The following TMIGD3 variants were observed in gnomAD, a reference collection of about 807,000 sequenced individuals.
The protein encoded by TMIGD3 is AD026 protein (AD026).
A neutral mutation model predicts 28.1 loss-of-function variants in TMIGD3; 21 were observed. That is an observed-to-expected ratio of 0.75 (90% CI 0.53 to 1.08). The LOEUF is 1.08. Ranked by LOEUF, TMIGD3 falls within the 50% of genes least tolerant of loss-of-function variation. The probability of loss-of-function intolerance (pLI) is 0.00; values close to 1 mark genes in which losing one functional copy is unlikely to be tolerated. For synonymous variants in TMIGD3, 151 were observed against 162.1 expected, an observed-to-expected ratio of 0.93 and a Z score of 0.52; for missense variants, 416 against 435.6, an observed-to-expected ratio of 0.96 and a Z score of 0.40.
At chr1:111,543,277 A>AAT (rs143470844) in intron 1 of TMIGD3, among the ~76,000 whole-genome samples, 21 of 151,680 alleles carry the variant, frequency 1.4e-4, no homozygotes, top group East Asian at 3.9e-4. Context: ...GTGTTGTATA[A>AAT]ATATATATAT....
intron 1 of TMIGD3, chr1:111,542,468 A>T (rs1387402310): frequency 2.1e-5 from 4 of 191,334 alleles, no homozygotes; most frequent in Non-Finnish European, 4.4e-5. Context: ...GCCGTGTAGG[A>T]GTTGGAGGAG....
chr1:111,495,505 G>A (rs1040770622), intron 1 of TMIGD3, among the ~76,000 whole-genome samples: 1 of 152,140 alleles, frequency 6.6e-6, no homozygotes, highest in African/African-American at 2.4e-5. Flanking sequence ...ACACTTATAC[G>A]CTGTTGGTGG....
intron 1 of TMIGD3, among the ~76,000 whole-genome samples, chr1:111,513,020 G>A (rs992305530): frequency 2.0e-5 from 3 of 152,172 alleles, no homozygotes; most frequent in African/African-American, 7.2e-5. Context: ...CCTGCTGGGT[G>A]GACTTTGCGA....
intron 1 of TMIGD3, among the ~76,000 whole-genome samples, chr1:111,549,274 G>T (rs1657157151): frequency 6.7e-6 from 1 of 149,866 alleles, no homozygotes; most frequent in Admixed American, 6.6e-5. Context: ...TTGAAAATTT[G>T]GCAGAATTTA....
chr1:111,553,517 T>C (rs1295292106), intron 1 of TMIGD3, among the ~76,000 whole-genome samples: 1 of 152,224 alleles, frequency 6.6e-6, no homozygotes, highest in Non-Finnish European at 1.5e-5. Context: ...ATCTCCAGTG[T>C]TTCAGCTTTT....
intron 1 of TMIGD3, among the ~76,000 whole-genome samples, chr1:111,528,480 G>C (rs569526370): frequency 1.3e-5 from 2 of 151,926 alleles, no homozygotes. Context: ...CTTTAATATC[G>C]TGTTGGCTAT....
intron 3 of TMIGD3, among the ~76,000 whole-genome samples, chr1:111,487,138 T>A (rs1654416190): frequency 6.6e-6 from 1 of 152,202 alleles, no homozygotes. Flanking sequence ...CACGACCACC[T>A]ACGATACCCC....
At chr1:111,555,381 A>AT (rs1283371985) in intron 1 of TMIGD3, among the ~76,000 whole-genome samples, 2 of 150,848 alleles carry the variant, frequency 1.3e-5, no homozygotes, top group African/African-American at 4.9e-5. Flanking sequence ...AAAAAAAAAA[A>AT]AAAAAAAAAA....
intron 2 of TMIGD3, chr1:111,489,649 A>G: frequency 8.5e-7 from 1 of 1,179,542 alleles, no homozygotes; most frequent in South Asian, 1.6e-5. Flanking sequence ...GAGGGCCTTG[A>G]AGAGCCTGAG....
intron 1 of TMIGD3, among the ~76,000 whole-genome samples, chr1:111,513,990 G>A (rs1655777520): frequency 6.6e-6 from 1 of 152,196 alleles, no homozygotes. Context: ...AGGGAGGAGG[G>A]CAAAGGGTGA....
chr1:111,484,638 C>T (rs1654274140), intron 5 of TMIGD3, among the ~76,000 whole-genome samples: 1 of 152,194 alleles, frequency 6.6e-6, no homozygotes, highest in Non-Finnish European at 1.5e-5. Flanking sequence ...AACAAAATAT[C>T]CCAGGGAAAG....
chr1:111,548,764 G>A (rs944600994), intron 1 of TMIGD3, among the ~76,000 whole-genome samples: 6 of 152,080 alleles, frequency 3.9e-5, no homozygotes, highest in Admixed American at 6.5e-5. Context: ...TCTTTGGGGC[G>A]TTGTCCCCAT....
chr1:111,489,515 A>C, intron 2 of TMIGD3: 1 of 955,730 alleles, frequency 1.0e-6, no homozygotes, highest in Non-Finnish European at 1.3e-6. Context: ...AGCCTCCCAG[A>C]CTGTGGTTTT....
intron 1 of TMIGD3, among the ~76,000 whole-genome samples, chr1:111,510,572 G>A (rs189129156): frequency 1.1e-3 from 162 of 152,172 alleles, no homozygotes; most frequent in Non-Finnish European, 1.6e-3. Flanking sequence ...GCCGATGTTC[G>A]GTCTCGGTAA....
rs904534962 is a variant in TMIGD3 at position 111,549,615 on chromosome 1, A to G, written c.107+14231T>C. Reference sequence around the variant, plus strand: ...TGGTGAGCCGATATCATGCCACTGCACTCCAGCCTGGGCAACAGAGTGAGA... The same window carrying G: ...TGGTGAGCCGATATCATGCCACTGCGCTCCAGCCTGGGCAACAGAGTGAGA... On this transcript the variant is annotated intron_variant, in intron 1 of 5. Coordinates refer to the TMIGD3 transcript ENST00000369717. Among the ~76,000 whole-genome samples the G allele has an allele frequency of 1.3e-4, 19 of 147,570 alleles. No individual in the cohort carries two copies. The South Asian group carries it at 2.3e-3, about 18-fold the overall frequency.
intron 1 of TMIGD3, among the ~76,000 whole-genome samples, chr1:111,552,356 C>A (rs2101037250): frequency 6.6e-6 from 1 of 152,360 alleles, no homozygotes; most frequent in South Asian, 2.1e-4. Context: ...GTTATAATGT[C>A]ACAAGTCTGT....
At chr1:111,506,444 TAC>T (rs2100989244), upstream of TMIGD3, among the ~76,000 whole-genome samples, 1 of 152,338 alleles carries the variant, frequency 6.6e-6, no homozygotes, top group South Asian at 2.1e-4. Context: ...AAATAGATAC[TAC>T]CATTATGCTG....
chr1:111,509,951 C>A (rs191985540), intron 1 of TMIGD3, among the ~76,000 whole-genome samples: 32 of 152,390 alleles, frequency 2.1e-4, no homozygotes, highest in African/African-American at 7.5e-4. Context: ...GAACCCAAGT[C>A]TATCTTGGCT....
chr1:111,508,531 G>T (rs12084598), upstream of TMIGD3, among the ~76,000 whole-genome samples: 39,830 of 152,094 alleles, frequency 0.26, 5,857 homozygotes, highest in East Asian at 0.43. Flanking sequence ...TGAGAATCAA[G>T]GGAAGGCAAA....
Sources: allele counts gnomAD v4.1 joint callset (sites outside exome capture counted in the v4.1 genomes callset), GRCh38; gene constraint gnomAD v4.1.1; transcripts MANE v1.5; gene names NCBI Gene and HGNC (gene_info 2026-07-23, HGNC 2026-07-21).